The following SUCLG2 variants were observed in gnomAD, a reference collection of about 807,000 sequenced individuals.
The protein encoded by SUCLG2 is succinate--CoA ligase [GDP-forming] subunit beta, mitochondrial.
Under a neutral mutation model 47.9 loss-of-function variants are expected in SUCLG2, and 42 were observed. The observed-to-expected ratio is 0.88, with a 90% CI of 0.69 to 1.14. SUCLG2 has a LOEUF of 1.14. SUCLG2 is among the 50% of genes most tolerant of loss of function. The pLI is 0.00. For synonymous variants in SUCLG2, 195 were observed against 197.3 expected (o/e 0.99, Z 0.10); for missense variants, 571 against 525.9 (o/e 1.09, Z -0.84).
chr3:67,603,352 T>C (rs573330720), intron 2 of SUCLG2, among the ~76,000 whole-genome samples: 6 of 152,356 alleles, frequency 3.9e-5, no homozygotes, highest in African/African-American at 1.2e-4. Flanking sequence ...TATCAATCAG[T>C]AGTCAATGCA....
intron 9 of SUCLG2, among the ~76,000 whole-genome samples, chr3:67,467,541 C>T (rs1053191293): frequency 9.2e-5 from 14 of 152,148 alleles, no homozygotes; most frequent in African/African-American, 3.1e-4. Context: ...GAAACTTAAA[C>T]TGCAATTTTA....
intron 9 of SUCLG2, among the ~76,000 whole-genome samples, chr3:67,404,968 A>ATTT (rs35223699): frequency 2.6e-4 from 35 of 134,784 alleles, no homozygotes; most frequent in African/African-American, 8.0e-4. Context: ...GGCAAAGAGA[A>ATTT]TTTTTTTTTT....
At chr3:67,630,914 T>C (rs1213623351) in intron 1 of SUCLG2, among the ~76,000 whole-genome samples, 1 of 152,254 alleles carries the variant, frequency 6.6e-6, no homozygotes, top group Non-Finnish European at 1.5e-5. Flanking sequence ...ATGTACTGTC[T>C]ATTGCTGCTT....
intron 10 of SUCLG2, among the ~76,000 whole-genome samples, chr3:67,380,280 TC>T (rs1702126338): frequency 6.6e-6 from 1 of 151,810 alleles, no homozygotes; most frequent in East Asian, 1.9e-4. Flanking sequence ...GAGTGAGGAC[TC>T]CAAGCTGTTA....
intron 2 of SUCLG2, among the ~76,000 whole-genome samples, chr3:67,581,283 A>T (rs78148016): frequency 6.6e-6 from 1 of 152,246 alleles, no homozygotes; most frequent in African/African-American, 2.4e-5. Flanking sequence ...AAAAGTACGT[A>T]GTACCCAGCT....
intron 10 of SUCLG2, among the ~76,000 whole-genome samples, chr3:67,384,846 T>C (rs1277036867): frequency 6.6e-6 from 1 of 152,238 alleles, no homozygotes; most frequent in Non-Finnish European, 1.5e-5. Flanking sequence ...GGCACAGCAC[T>C]GCTCAGGCAG....
chr3:67,610,247 T>C (rs1300092030), intron 1 of SUCLG2, among the ~76,000 whole-genome samples: 2 of 152,204 alleles, frequency 1.3e-5, no homozygotes, highest in Admixed American at 1.3e-4. Flanking sequence ...AGATTATCTC[T>C]TTCATCCACC....
chr3:67,573,241 G>C (rs1455099960), intron 2 of SUCLG2, among the ~76,000 whole-genome samples: 2 of 152,114 alleles, frequency 1.3e-5, no homozygotes, highest in African/African-American at 2.4e-5. Flanking sequence ...TCCCACAATT[G>C]ATGTACAGGA....
intron 9 of SUCLG2, among the ~76,000 whole-genome samples, chr3:67,408,101 G>T (rs1702856249): frequency 6.6e-6 from 1 of 152,130 alleles, no homozygotes; most frequent in South Asian, 2.1e-4. Context: ...CCAACAGATT[G>T]GTTCGATTGG....
intron 9 of SUCLG2, among the ~76,000 whole-genome samples, chr3:67,420,726 G>A (rs971115126): frequency 6.7e-6 from 1 of 149,876 alleles, no homozygotes; most frequent in African/African-American, 2.5e-5. Flanking sequence ...GCATGATAAA[G>A]TAAAAAACAA....
At chr3:67,427,998 A>G (rs1703351984) in intron 9 of SUCLG2, among the ~76,000 whole-genome samples, 1 of 152,210 alleles carries the variant, frequency 6.6e-6, no homozygotes, top group African/African-American at 2.4e-5. Context: ...ACTGCAGCTC[A>G]AGGAGGCCTG....
chr3:67,506,543 C>T (rs574593326), intron 7 of SUCLG2, among the ~76,000 whole-genome samples: 1 of 152,152 alleles, frequency 6.6e-6, no homozygotes, highest in Admixed American at 6.5e-5. Context: ...AGACTCATGA[C>T]GTTTTATAAA....
chr3:67,609,490 G>A lies in SUCLG2; in HGVS notation c.191C>T (p.Thr64Ile), dbSNP rs569106050. The change falls in exon 2 of 11, where the codon ACT becomes ATT. Residue 64 changes from threonine (T) to isoleucine (I), a missense_variant. Transcript: ENST00000307227. ...VRVQRFFVADTANEALEAAKR... is the reference protein window; with the variant it reads ...VRVQRFFVADIANEALEAAKR... ...AGCAGCCTCGAGAGCTTCATTTGCA[G>A]TGTCTGCTACAAAGAATCTTTGAAC... 190 of 1,613,362 alleles carry A rather than the reference G, an allele frequency of 1.2e-4. 3 individuals are homozygous for A. The South Asian group carries it at 1.8e-3, about 15-fold the overall frequency.
intron 9 of SUCLG2, among the ~76,000 whole-genome samples, chr3:67,411,515 T>A (rs1337618097): frequency 6.6e-6 from 1 of 152,074 alleles, no homozygotes; most frequent in African/African-American, 2.4e-5. Context: ...AGTAAAAACA[T>A]AAGATTCCAG....
chr3:67,430,772 G>C (rs1302791351), intron 9 of SUCLG2, among the ~76,000 whole-genome samples: 8 of 151,886 alleles, frequency 5.3e-5, no homozygotes, highest in Non-Finnish European at 1.0e-4. Flanking sequence ...AAGGGGATAT[G>C]ACCACCGATC....
At position 67,515,991 on chromosome 3, in the gene SUCLG2, A is replaced by C. The variant is rs79771770; in HGVS notation, c.660+2256T>G. On this transcript the variant is annotated intron_variant, in intron 6 of 10. Transcript: ENST00000307227. ...CCCACTCTCTCCTTCACATTCCTTT[A>C]TCCGTCCCTCTTCCTGTATCCTCTC... is the stretch of plus-strand genomic sequence containing the variant. Among the ~76,000 whole-genome samples the C allele has an allele frequency of 1.1e-4, 16 of 151,856 alleles. No individual in the cohort carries two copies. The East Asian group carries it at 3.1e-3, about 29-fold the overall frequency.
At chr3:67,384,288 C>T (rs1040427407) in intron 10 of SUCLG2, among the ~76,000 whole-genome samples, 3 of 152,172 alleles carry the variant, frequency 2.0e-5, no homozygotes, top group African/African-American at 4.8e-5. Context: ...ATAGAGATAA[C>T]GTGAGGATTT....
chr3:67,617,532 C>T (rs554519863), intron 1 of SUCLG2, among the ~76,000 whole-genome samples: 3 of 152,278 alleles, frequency 2.0e-5, no homozygotes, highest in South Asian at 2.1e-4. Context: ...GAAAACAGAA[C>T]GTCACTTTTG....
intron 2 of SUCLG2, among the ~76,000 whole-genome samples, chr3:67,561,240 G>C (rs1420544365): frequency 2.0e-5 from 3 of 151,648 alleles, no homozygotes; most frequent in Non-Finnish European, 4.4e-5. Flanking sequence ...AGCAAGCACT[G>C]TGCCTATTAT....
Sources: allele counts gnomAD v4.1 joint callset (sites outside exome capture counted in the v4.1 genomes callset), GRCh38; gene constraint gnomAD v4.1.1; transcripts MANE v1.5; gene names NCBI Gene and HGNC (gene_info 2026-07-23, HGNC 2026-07-21).